MIS18BP1: variants seen among roughly 807,000 people sequenced by gnomAD.
MIS18BP1 encodes MIS18 binding protein 1.
MIS18BP1 carries 72 observed loss-of-function variants against 116.1 expected under a neutral mutation model. That is an observed-to-expected ratio of 0.62 (90% CI 0.51 to 0.75). MIS18BP1 has a LOEUF of 0.75. Ranked by LOEUF, MIS18BP1 falls within the 30% of genes least tolerant of loss-of-function variation. MIS18BP1 has a pLI of 0.00. For missense variants in MIS18BP1, 1,363 were observed against 1,303.2 expected, an observed-to-expected ratio of 1.05 and a Z score of -0.71; for synonymous variants, 386 against 427.0, an observed-to-expected ratio of 0.90 and a Z score of 1.18.
At chr14:45,216,834 G>C (rs1018836270) in intron 13 of MIS18BP1, among the ~76,000 whole-genome samples, 185 bp downstream of exon 13, 2 of 152,156 alleles carry the variant, frequency 1.3e-5, no homozygotes, top group African/African-American at 4.8e-5. Flanking sequence ...ACCAACTGAA[G>C]TGCAGACTCT....
At chr14:45,249,945 C>T (rs966257552) in intron 1 of MIS18BP1, 3 of 152,170 alleles carry the variant, frequency 2.0e-5, no homozygotes, top group Admixed American at 2.0e-4. Flanking sequence ...CAGGTTTACA[C>T]AATCTCAATT....
chr14:45,213,462 C>G (rs1422301368), intron 13 of MIS18BP1, among the ~76,000 whole-genome samples: 1 of 152,172 alleles, frequency 6.6e-6, no homozygotes, highest in African/African-American at 2.4e-5. Flanking sequence ...TTGTGTAAAA[C>G]AGAGATAATA....
intron 8 of MIS18BP1, among the ~76,000 whole-genome samples, chr14:45,229,703 G>T (rs1209181815): frequency 1.3e-5 from 2 of 152,122 alleles, no homozygotes; most frequent in African/African-American, 4.8e-5. Context: ...ACAGGAAGAG[G>T]TAAGAACCAA....
At chr14:45,212,650 G>A (rs570461983) in intron 13 of MIS18BP1, among the ~76,000 whole-genome samples, 1 of 152,322 alleles carries the variant, frequency 6.6e-6, no homozygotes, top group East Asian at 1.9e-4. Flanking sequence ...TCAAGCATGT[G>A]CATTAAGAGG....
At chr14:45,204,353 C>T (rs1890452273) in intron 16 of MIS18BP1, 46 bp downstream of exon 16, 5 of 1,570,790 alleles carry the variant, frequency 3.2e-6, no homozygotes, top group Non-Finnish European at 4.3e-6. Context: ...AAAGAACCTA[C>T]CTTATAATAG....
Position 45,247,059 on chromosome 14 carries a change from T to C in MIS18BP1, c.228A>G (p.Gln76=), listed in dbSNP as rs746870405. Residue 76 remains glutamine (Q), a synonymous_variant, in exon 2 of 17, where the codon CAA becomes CAG. Transcript: ENST00000310806. ...MTTFNNKNIF[Q]STMLTEATTS... is the part of the protein sequence containing the mutation. ...TAGTAGCCTCTGTTAGCATAGTTGA[T>C]TGAAATATATTTTTATTGTTAAAAG... is the stretch of plus-strand genomic sequence containing the variant. 4.3e-6 allele frequency: 7 copies of C among 1,613,226 alleles called. No homozygotes were observed. The highest frequency in any genetic ancestry group is 2.7e-5 in the African/African-American group (2 of 75,032).
Position 45,224,425 on chromosome 14 carries a change from G to C in MIS18BP1, c.2162C>G (p.Thr721Ser), listed in dbSNP as rs145134233. 13 of 1,613,856 alleles carry C rather than the reference G, an allele frequency of 8.1e-6. No individual in the cohort carries two copies. The highest frequency in any genetic ancestry group is 1.1e-5 in the Non-Finnish European group (13 of 1,179,928). The part of the protein sequence containing the change: ...KEDCDERDLL[T>S]VNRKIKISNL... ...AGATATTTTTATTTTCCGGTTGACA[G>C]TAAGTAAGTCACGTTCATCGCAATC... The change falls in exon 11 of 17, where the codon ACT becomes AGT. Residue 721 changes from threonine to serine, a missense_variant. Thr to Ser is a moderately conservative substitution (Grantham distance 58, BLOSUM62 1). Coordinates refer to ENST00000310806, the MANE Select transcript of MIS18BP1 (RefSeq NM_018353.5).
chr14:45,235,600 A>C (rs1184545346), intron 6 of MIS18BP1, among the ~76,000 whole-genome samples: 3 of 151,934 alleles, frequency 2.0e-5, no homozygotes, highest in Non-Finnish European at 4.4e-5. Context: ...CAAAAAAAAA[A>C]AAAAAAACAA....
At chr14:45,208,272 C>T (rs1375669612) in intron 14 of MIS18BP1, among the ~76,000 whole-genome samples, 1 of 150,092 alleles carries the variant, frequency 6.7e-6, no homozygotes, top group Non-Finnish European at 1.5e-5. Context: ...ATCTGTGTTC[C>T]AAATCTCATA....
chr14:45,222,235 T>C (rs182532646), intron 11 of MIS18BP1, among the ~76,000 whole-genome samples: 2 of 152,376 alleles, frequency 1.3e-5, no homozygotes, highest in Admixed American at 1.3e-4. Context: ...AATTTAATTA[T>C]GTTGGATTTA....
chr14:45,223,977 G>C lies in MIS18BP1; in HGVS notation c.2610C>G (p.Cys870Trp), dbSNP rs758635515. ...CCTTATCCTGAATTAAACCAGGTAA[G>C]CATTCTAAGGGATGCCTATTTGTCT... ...SDKTNRHPLE[C>W]LPGLIQDKEW... Residue 870 changes from cysteine to tryptophan, a missense_variant, in exon 11 of 17, where the codon TGC becomes TGG. Cys to Trp is a radical substitution (Grantham distance 215). Transcript: ENST00000310806. The C allele has an allele frequency of 6.2e-7, 1 of 1,607,694 alleles. No homozygotes were observed. Among genetic ancestry groups the C allele is most frequent in the Admixed American group, 1.7e-5 (1 of 58,504 alleles).
At chr14:45,204,782 G>A (rs992000438) in intron 15 of MIS18BP1, among the ~76,000 whole-genome samples, 4 of 151,878 alleles carry the variant, frequency 2.6e-5, no homozygotes, top group East Asian at 1.9e-4. Context: ...TGAATATACT[G>A]GTTTGGTAAA....
Position 45,206,098 on chromosome 14 carries a change from G to A in MIS18BP1, c.3225C>T (p.Asn1075=). ...HKSNGGIVWG[N]IKKKLVETDF... ...AAATACTTACTAATTTTTTCTTGAT[G>A]TTGCCCCAGACAATACCACCATTAC... The change falls in exon 15 of 17, where the codon AAC becomes AAT. Residue 1075 remains asparagine (N), a synonymous_variant. Coordinates refer to ENST00000310806, the MANE Select transcript of MIS18BP1 (RefSeq NM_018353.5). The A allele has an allele frequency of 1.2e-6, 2 of 1,601,362 alleles. No individual in the cohort carries two copies. Among genetic ancestry groups the A allele is most frequent in the Non-Finnish European group, 1.7e-6 (2 of 1,170,360 alleles).
chr14:45,237,566 A>G, intron 5 of MIS18BP1, 82 bp downstream of exon 5: 2 of 1,468,118 alleles, frequency 1.4e-6, no homozygotes, highest in Non-Finnish European at 1.8e-6. Flanking sequence ...TTTGTGGAGG[A>G]TGCTATTTCT....
chr14:45,221,859 G>T (rs539990828), intron 11 of MIS18BP1, among the ~76,000 whole-genome samples: 1 of 152,280 alleles, frequency 6.6e-6, no homozygotes, highest in African/African-American at 2.4e-5. Flanking sequence ...CTGTGGATTT[G>T]ACTATCCTTG....
At chr14:45,244,667 C>T (rs1891678154) in intron 2 of MIS18BP1, among the ~76,000 whole-genome samples, 1 of 152,192 alleles carries the variant, frequency 6.6e-6, no homozygotes, top group South Asian at 2.1e-4. Context: ...AAATCTTAAA[C>T]AGCTCTTCTG....
At chr14:45,247,742 C>T (rs893500233) in intron 1 of MIS18BP1, among the ~76,000 whole-genome samples, 2 of 152,016 alleles carry the variant, frequency 1.3e-5, no homozygotes, top group Non-Finnish European at 2.9e-5. Flanking sequence ...AAGATATATG[C>T]ATATGGCACT....
chr14:45,231,269 T>C lies in MIS18BP1; in HGVS notation c.1466A>G (p.Lys489Arg), dbSNP rs933333649. The C allele has an allele frequency of 6.2e-7, 1 of 1,612,430 alleles. No homozygotes were observed. Residue 489 changes from lysine to arginine, a missense_variant, in exon 8 of 17, where the codon AAA becomes AGA. Physicochemically the swap from Lys to Arg is conservative, Grantham distance 26. Transcript: ENST00000310806. The stretch of plus-strand genomic sequence containing the variant: ...AGATCTTCCAGTTTTCTGTTTTTGT[T>C]TGGTCTTTTCCCTGTTCTTTTCACC... ...RAGEKNREKT[K>R]QKQKTGRSVR...
intron 14 of MIS18BP1, among the ~76,000 whole-genome samples, chr14:45,208,247 T>C (rs1352987816): frequency 2.0e-5 from 3 of 152,188 alleles, no homozygotes; most frequent in Non-Finnish European, 1.5e-5. Flanking sequence ...TTCAGTATTA[T>C]GTTTTATGAT....
Sources: gnomAD v4.1 joint callset for allele counts (sites outside exome capture counted in the v4.1 genomes callset) on GRCh38, gnomAD v4.1.1 for gene constraint, MANE v1.5 for transcripts, NCBI Gene and HGNC (gene_info 2026-07-23, HGNC 2026-07-21) for gene names.